The following NUP210 variants were observed in gnomAD, a reference collection of about 807,000 sequenced individuals.
NUP210 encodes nucleoporin 210, also known as nuclear pore membrane glycoprotein 210.
Under a neutral mutation model 196.0 loss-of-function variants are expected in NUP210, and 151 were observed. That is an observed-to-expected ratio of 0.77 (90% CI 0.67 to 0.88). NUP210 has a LOEUF of 0.88. Ranked by LOEUF, NUP210 falls within the 40% of genes least tolerant of loss-of-function variation. NUP210 has a pLI of 0.00. For missense variants in NUP210, 2,314 were observed against 2,493.7 expected (o/e 0.93, Z 1.53); for synonymous variants, 1,070 against 1,052.7 (o/e 1.02, Z -0.32).
At chr3:13,381,908 C>T (rs377514628) in intron 6 of NUP210, among the ~76,000 whole-genome samples, 30 of 152,038 alleles carry the variant, frequency 2.0e-4, no homozygotes, top group African/African-American at 7.2e-4. Context: ...GGAGCTCCTG[C>T]GGAGCTGGGT....
intron 5 of NUP210, 117 bp from the exon 6 acceptor site, chr3:13,386,524 A>C: frequency 7.6e-7 from 1 of 1,309,378 alleles, no homozygotes; most frequent in Non-Finnish European, 1.1e-6. Context: ...AGAGGAAAGA[A>C]ACAAGATATC....
intron 6 of NUP210, among the ~76,000 whole-genome samples, chr3:13,384,937 C>T (rs1290602613): frequency 2.6e-5 from 4 of 152,196 alleles, no homozygotes; most frequent in South Asian, 2.1e-4. Flanking sequence ...AGGACACCCA[C>T]GCTTGGCTTC....
In NUP210 at chr3:13,378,965, C is replaced by T. The variant is rs753618612; in HGVS notation, c.992G>A (p.Gly331Asp). The T allele has an allele frequency of 1.2e-6, 2 of 1,613,958 alleles. No individual in the cohort carries two copies. Among genetic ancestry groups the T allele is most frequent in the Admixed American group, 1.7e-5 (1 of 60,008 alleles). The change falls in exon 8 of 40, where the codon GGT (glycine) becomes GAT (aspartate). Residue 331 changes from glycine to aspartate, a missense_variant. Transcript: ENST00000254508. The part of the protein sequence containing the change: ...VLGHRSIRMQ[G>D]ASRLPNSTIY... ...AGTGCTGTTGGGTAACCTAGAAGCA[C>T]CTTGCATGCGAATACCTGAATTTTG...
At chr3:13,407,375 T>G (rs1700036370) in intron 1 of NUP210, among the ~76,000 whole-genome samples, 1 of 152,126 alleles carries the variant, frequency 6.6e-6, no homozygotes, top group African/African-American at 2.4e-5. Context: ...GTCCTTCCTC[T>G]TCCCTGAAGC....
At chr3:13,398,049 T>C (rs1699722579) in intron 2 of NUP210, among the ~76,000 whole-genome samples, 1 of 152,240 alleles carries the variant, frequency 6.6e-6, no homozygotes, top group African/African-American at 2.4e-5. Flanking sequence ...TACAAAATTG[T>C]TCTGACCATT....
At chr3:13,317,868 G>T in intron 39 of NUP210, 87 bp from the exon 40 acceptor site, 2 of 927,390 alleles carry the variant, frequency 2.2e-6, no homozygotes, top group Non-Finnish European at 3.3e-6. Context: ...GCAGGCGCCT[G>T]CCTCACCCAG....
At chr3:13,335,946 C>A (rs1222059522) in intron 27 of NUP210, among the ~76,000 whole-genome samples, 1 of 152,254 alleles carries the variant, frequency 6.6e-6, no homozygotes, top group Non-Finnish European at 1.5e-5. Flanking sequence ...TCACCCAGAG[C>A]GATGCTGGGT....
In NUP210 at chr3:13,378,980, C is replaced by A. The variant is rs372416503; in HGVS notation, c.977G>T (p.Ser326Ile). The A allele has an allele frequency of 6.2e-7, 1 of 1,613,820 alleles. No homozygotes were observed. The highest frequency in any genetic ancestry group is 2.2e-5 in the East Asian group (1 of 44,874). ...CCTAGAAGCACCTTGCATGCGAATA[C>A]CTGAATTTTGAATTAAGGGGCAAGA... is the stretch of plus-strand genomic sequence containing the variant. ...GQSSLVLGHR[S>I]IRMQGASRLP... The change falls in exon 8 of 40, where the codon AGT becomes ATT. Residue 326 changes from serine to isoleucine, a missense_variant and splice_region_variant. By Grantham distance (142) the Ser-to-Ile change is moderately radical. Transcript: ENST00000254508.
chr3:13,392,475 C>CT (rs1439775447), intron 3 of NUP210, among the ~76,000 whole-genome samples: 2 of 152,212 alleles, frequency 1.3e-5, no homozygotes, highest in African/African-American at 2.4e-5. Context: ...AATGAAAACT[C>CT]TATGGTTTCC....
chr3:13,413,684 G>A (rs373016702), intron 1 of NUP210, among the ~76,000 whole-genome samples: 9 of 152,248 alleles, frequency 5.9e-5, no homozygotes, highest in East Asian at 1.9e-4. Context: ...GCCAAGGCCC[G>A]AGCAGGAGAA....
At position 13,327,136 on chromosome 3, in the gene NUP210, G is replaced by A. The variant is rs571087719; in HGVS notation, c.4507+81C>T. ...CCTGTAGGCCCCCGTGACTGGTGCCGAGCCCCTGCCCAGGTAGCCCCCACC... is the reference window on the plus strand; with the variant it reads ...CCTGTAGGCCCCCGTGACTGGTGCCAAGCCCCTGCCCAGGTAGCCCCCACC... On this transcript the variant is annotated intron_variant, in intron 32 of 39. Coordinates refer to ENST00000254508, the MANE Select transcript of NUP210 (RefSeq NM_024923.4). 30 of 1,133,658 alleles carry A rather than the reference G, an allele frequency of 2.6e-5. No homozygotes were observed. The East Asian group carries it at 4.9e-4, about 18-fold the overall frequency. The allele number at this position is 1,133,658 out of a possible 1,614,324, so 70.2% of individuals were successfully genotyped here. A position where few individuals can be genotyped will look rare whatever the true frequency, so the allele number is the denominator to read the frequency against.
Position 13,379,802 on chromosome 3 carries a change from C to T in NUP210, c.818-81G>A. The stretch of plus-strand genomic sequence containing the variant: ...TTAGAAGCCAATACACTCCCACTGC[C>T]ACCCCGAATCTCTGCACTCTGCTCT... On this transcript the variant is annotated intron_variant, in intron 6 of 39. Coordinates refer to ENST00000254508, the MANE Select transcript of NUP210 (RefSeq NM_024923.4). This position sits in a 1 kb window ranked among gnomAD's most constrained non-coding sequence, Gnocchi z 4.2. 2 of 1,224,508 alleles carry T rather than the reference C, an allele frequency of 1.6e-6. No individual in the cohort carries two copies. The highest frequency in any genetic ancestry group is 1.5e-5 in the South Asian group (1 of 64,532). The allele number at this position is 1,224,508 out of a possible 1,614,324, so 75.9% of individuals were successfully genotyped here.
chr3:13,325,293 CAATT>C (rs1192789591), intron 33 of NUP210, among the ~76,000 whole-genome samples: 4 of 152,222 alleles, frequency 2.6e-5, no homozygotes, highest in Admixed American at 1.3e-4. Flanking sequence ...AATATGCAAA[CAATT>C]AGGTTAAACT....
At position 13,340,678 on chromosome 3, in the gene NUP210, AT is replaced by A. The variant is rs1697440329; in HGVS notation, c.3229-381del. Among the ~76,000 whole-genome samples the A allele has an allele frequency of 6.6e-6, 1 of 152,076 alleles. No homozygotes were observed. The highest frequency in any genetic ancestry group is 1.5e-5 in the Non-Finnish European group (1 of 67,974). Reference sequence around the variant, plus strand: ...AGCAGCGCCTGGGGACACATTAGCAATGTACAGCCCCAGCCACCTGGCCTGT... The same window carrying A: ...AGCAGCGCCTGGGGACACATTAGCAAGTACAGCCCCAGCCACCTGGCCTGT... On this transcript the variant is annotated intron_variant, in intron 23 of 39. Transcript: ENST00000254508. The surrounding 1 kb of genome is among the most constrained non-coding windows in gnomAD (Gnocchi z 4.0).
Position 13,323,418 on chromosome 3 carries a change from G to A in NUP210, c.4659C>T (p.Val1553=). 1 of 1,614,102 alleles carries A rather than the reference G, an allele frequency of 6.2e-7. No individual in the cohort carries two copies. The highest frequency in any genetic ancestry group is 2.2e-5 in the East Asian group (1 of 44,878). The change falls in exon 34 of 40, where the codon GTC becomes GTT. Residue 1553 remains valine (V), a synonymous_variant. Coordinates refer to ENST00000254508, the MANE Select transcript of NUP210 (RefSeq NM_024923.4). This position sits in a 1 kb window ranked among gnomAD's most constrained non-coding sequence, Gnocchi z 4.3. The part of the protein sequence containing the change: ...LRTYKEVVVS[V]PQRIMARHLH... ...GGTGACGGGCCATGATCCTCTGAGG[G>A]ACGCTGACCACCACCTAGAGAGGGA...
At chr3:13,416,163 G>A (rs1261048959) in intron 1 of NUP210, among the ~76,000 whole-genome samples, 2 of 152,214 alleles carry the variant, frequency 1.3e-5, no homozygotes, top group African/African-American at 4.8e-5. Context: ...GACCACATAA[G>A]AGAGGGTGTA....
At chr3:13,374,241 C>A (rs1165623674) in intron 11 of NUP210, among the ~76,000 whole-genome samples, 5 of 152,192 alleles carry the variant, frequency 3.3e-5, no homozygotes, top group Non-Finnish European at 7.3e-5. Flanking sequence ...TTTACCTTCA[C>A]ACTCACGCTT....
Position 13,316,292 on chromosome 3 carries a change from C to G in NUP210, c.*1389G>C, listed in dbSNP as rs1696269940. 1 of 152,240 alleles carries G rather than the reference C, an allele frequency of 6.6e-6. No individual in the cohort carries two copies. The highest frequency in any genetic ancestry group is 2.4e-5 in the African/African-American group (1 of 41,458). 9.4% of individuals were successfully genotyped at this position (152,240 alleles called of 1,614,324 possible). On this transcript the variant is annotated 3_prime_UTR_variant, in exon 40 of 40. Transcript: ENST00000254508. ...CCAGTAGAAAGGCTCCTATTTACAT[C>G]CAGGTTGTCAGTTTAAGCTCAAGTA...
Position 13,373,840 on chromosome 3 carries a change from A to G in NUP210, c.1465T>C (p.Ser489Pro), listed in dbSNP as rs1264418630. ...ACTGTGGCAACCAGGTGGCTTGACGAAGACCAGCTGAAGTTCCCACTGCCA... is the reference window on the plus strand; with the variant it reads ...ACTGTGGCAACCAGGTGGCTTGACGGAGACCAGCTGAAGTTCCCACTGCCA... ...HGGSGNFSWS[S>P]SSHLVATVTV... Residue 489 changes from serine (S) to proline (P), a missense_variant, in exon 12 of 40, where the codon TCG becomes CCG. By Grantham distance (74) the Ser-to-Pro change is moderately conservative. Coordinates refer to ENST00000254508, the MANE Select transcript of NUP210 (RefSeq NM_024923.4). The G allele has an allele frequency of 3.7e-6, 6 of 1,613,982 alleles. No individual in the cohort carries two copies. Among genetic ancestry groups the G allele is most frequent in the Non-Finnish European group, 5.1e-6 (6 of 1,179,916 alleles).
Sources: allele counts gnomAD v4.1 joint callset (sites outside exome capture counted in the v4.1 genomes callset), GRCh38; gene constraint gnomAD v4.1.1; non-coding constraint Gnocchi (gnomAD v3.1); transcripts MANE v1.5; gene names NCBI Gene and HGNC (gene_info 2026-07-23, HGNC 2026-07-21).